The following RAD54L2 variants were observed in gnomAD, a reference collection of about 807,000 sequenced individuals.
RAD54L2 encodes helicase ARIP4.
RAD54L2 carries 27 observed loss-of-function variants against 138.4 expected under a neutral mutation model. That is an observed-to-expected ratio of 0.20 (90% CI 0.14 to 0.27). The LOEUF is 0.27. Ranked by LOEUF, RAD54L2 falls within the 10% of genes least tolerant of loss-of-function variation. The pLI is 1.00. For synonymous variants in RAD54L2, 644 were observed against 723.2 expected (o/e 0.89, Z 1.76); for missense variants, 1,396 against 1,890.2 (o/e 0.74, Z 4.85).
chr3:51,634,726 A>T (rs952574926), intron 9 of RAD54L2, among the ~76,000 whole-genome samples: 1 of 152,188 alleles, frequency 6.6e-6, no homozygotes, highest in African/African-American at 2.4e-5. Context: ...CCTAATCATT[A>T]GTCACTTCTT....
rs1483334545 is a variant in RAD54L2 at position 51,666,723 on chromosome 3, T to C, written c.*3303T>C. The C allele has an allele frequency of 6.6e-6, 1 of 152,248 alleles. No individual in the cohort carries two copies. Among genetic ancestry groups the C allele is most frequent in the Admixed American group, 6.5e-5 (1 of 15,294 alleles). 9.4% of individuals were successfully genotyped at this position (152,248 alleles called of 1,614,324 possible). A position where few individuals can be genotyped will look rare whatever the true frequency, so the allele number is the denominator to read the frequency against. On this transcript the variant is annotated 3_prime_UTR_variant, in exon 23 of 23. Transcript: ENST00000684192. Reference sequence around the variant, plus strand: ...TGGATATCTATGAAGTCCACACCCCTTTGAGTTATGCTTTTTAGGCATCTA... The same window carrying C: ...TGGATATCTATGAAGTCCACACCCCCTTGAGTTATGCTTTTTAGGCATCTA...
At chr3:51,556,179 A>C (rs779107914) in intron 2 of RAD54L2, among the ~76,000 whole-genome samples, 1 of 152,070 alleles carries the variant, frequency 6.6e-6, no homozygotes, top group Non-Finnish European at 1.5e-5. Flanking sequence ...TGTGCCTCTC[A>C]TGGTAGCCTA....
chr3:51,565,171 T>TA (rs35400441), intron 2 of RAD54L2, among the ~76,000 whole-genome samples: 14 of 152,112 alleles, frequency 9.2e-5, no homozygotes, highest in South Asian at 2.1e-4. Flanking sequence ...AATAAGATTT[T>TA]AAAAAAATTA....
intron 2 of RAD54L2, among the ~76,000 whole-genome samples, chr3:51,565,679 G>A (rs567751209): frequency 6.6e-6 from 1 of 152,136 alleles, no homozygotes; most frequent in South Asian, 2.1e-4. Flanking sequence ...CACCGTGTTG[G>A]CCAGGCTGGT....
In RAD54L2 at chr3:51,593,565, G is replaced by A. The variant is rs574157948; in HGVS notation, c.139+3006G>A. On this transcript the variant is annotated intron_variant, in intron 3 of 22. Transcript: ENST00000684192. ...GCCAGAATGGTCTTGATCTCCTGAC[G>A]TCGTGATCCGTCCGTCTCGGCCTCC... Among the ~76,000 whole-genome samples the A allele has an allele frequency of 1.5e-4, 23 of 152,024 alleles. 1 individual carries two copies. In the South Asian group the frequency reaches 2.9e-3, roughly 19 times the overall value.
At position 51,668,011 on chromosome 3, in the gene RAD54L2, G is replaced by T. The variant is rs1316991085; in HGVS notation, c.*4591G>T. 1 of 152,444 alleles carries T rather than the reference G, an allele frequency of 6.6e-6. No homozygotes were observed. The highest frequency in any genetic ancestry group is 2.1e-4 in the South Asian group (1 of 4,836). 9.4% of individuals were successfully genotyped at this position (152,444 alleles called of 1,614,324 possible). On this transcript the variant is annotated 3_prime_UTR_variant, in exon 23 of 23. Coordinates refer to ENST00000684192, the MANE Select transcript of RAD54L2 (RefSeq NM_015106.4). Reference sequence around the variant, plus strand: ...CTGGGATGATATTCAGAAGAGAGAGGACCTCATACTGTGACTGGACCCAGG... The same window carrying T: ...CTGGGATGATATTCAGAAGAGAGAGTACCTCATACTGTGACTGGACCCAGG...
chr3:51,634,893 A>G (rs1397409212), intron 9 of RAD54L2, among the ~76,000 whole-genome samples: 5 of 152,200 alleles, frequency 3.3e-5, no homozygotes, highest in Non-Finnish European at 4.4e-5. Flanking sequence ...TCTTGATCCA[A>G]CAAACCAGCT....
chr3:51,640,841 G>A (rs982751374), intron 14 of RAD54L2, among the ~76,000 whole-genome samples: 4 of 152,138 alleles, frequency 2.6e-5, no homozygotes, highest in Non-Finnish European at 1.5e-5. Context: ...ACTCTGCATT[G>A]AGCTAAACCC....
chr3:51,549,270 A>G (rs1172758729), intron 2 of RAD54L2, among the ~76,000 whole-genome samples: 1 of 151,972 alleles, frequency 6.6e-6, no homozygotes, highest in Non-Finnish European at 1.5e-5. Context: ...CTGGGATTAC[A>G]GGCGTGAACC....
intron 20 of RAD54L2, among the ~76,000 whole-genome samples, chr3:51,657,094 A>G (rs141747321): frequency 5.9e-5 from 9 of 152,366 alleles, no homozygotes; most frequent in African/African-American, 2.2e-4. Context: ...AAAATTTGAA[A>G]CACATGAAAA....
intron 4 of RAD54L2, 73 bp from the exon 5 acceptor site, chr3:51,629,261 C>T: frequency 6.8e-7 from 1 of 1,470,258 alleles, no homozygotes; most frequent in East Asian, 2.5e-5. Flanking sequence ...ATGGCTATTT[C>T]TCTCTTTAGC....
At chr3:51,616,326 T>G (rs1312264901) in intron 3 of RAD54L2, among the ~76,000 whole-genome samples, 2 of 152,186 alleles carry the variant, frequency 1.3e-5, no homozygotes, top group African/African-American at 4.8e-5. Context: ...AGAAGAAAAT[T>G]TATATCATTG....
At chr3:51,543,849 G>T (rs1698620487) in intron 2 of RAD54L2, among the ~76,000 whole-genome samples, 1 of 152,010 alleles carries the variant, frequency 6.6e-6, no homozygotes, top group African/African-American at 2.4e-5. Flanking sequence ...CTATTCTACA[G>T]CTTGGCCGAC....
chr3:51,555,283 C>G (rs1402341887), intron 2 of RAD54L2, among the ~76,000 whole-genome samples: 1 of 152,072 alleles, frequency 6.6e-6, no homozygotes, highest in Non-Finnish European at 1.5e-5. Flanking sequence ...ATGTATACTT[C>G]ACAGATACTG....
At position 51,638,257 on chromosome 3, in the gene RAD54L2, G is replaced by A. The variant is rs367686213; in HGVS notation, c.1796G>A (p.Arg599Gln). 4.3e-6 allele frequency: 7 copies of A among 1,613,864 alleles called. No homozygotes were observed. The highest frequency in any genetic ancestry group is 1.3e-5 in the African/African-American group (1 of 74,912). ...TATACACAGTTCATGGATCGCTTCCGGGACTGTGGTAGCAGCGGTTGGCTG... is the reference window on the plus strand; with the variant it reads ...TATACACAGTTCATGGATCGCTTCCAGGACTGTGGTAGCAGCGGTTGGCTG... The part of the protein sequence containing the change: ...DLYTQFMDRF[R>Q]DCGSSGWLGL... The change falls in exon 12 of 23, where the codon CGG (arginine) becomes CAG (glutamine). Residue 599 changes from arginine to glutamine, a missense_variant. Around this residue, in one of 7 missense-constraint regions of RAD54L2, gnomAD observed 211 missense variants for 273.8 expected, o/e 0.77. Transcript: ENST00000684192. The surrounding 1 kb of genome is among the most constrained non-coding windows in gnomAD (Gnocchi z 4.3).
chr3:51,641,713 C>T (rs1027526561), intron 14 of RAD54L2, 36 bp from the exon 15 acceptor site: 2 of 1,393,998 alleles, frequency 1.4e-6, no homozygotes, highest in Non-Finnish European at 2.0e-6. Flanking sequence ...TCCCTCAATT[C>T]TGGGAGCCAT....
intron 2 of RAD54L2, among the ~76,000 whole-genome samples, chr3:51,577,968 T>G (rs1699517420): frequency 6.6e-6 from 1 of 152,208 alleles, no homozygotes; most frequent in African/African-American, 2.4e-5. Flanking sequence ...CACATCATTA[T>G]GTATTGCCTA....
At chr3:51,548,279 C>T (rs1185028880) in intron 2 of RAD54L2, among the ~76,000 whole-genome samples, 1 of 152,040 alleles carries the variant, frequency 6.6e-6, no homozygotes, top group Non-Finnish European at 1.5e-5. Context: ...ACCTCTGCCT[C>T]CCAGGTTCAG....
chr3:51,663,072 C>A lies in RAD54L2; in HGVS notation c.4056C>A (p.Pro1352=), dbSNP rs762101001. Residue 1352 remains proline, a synonymous_variant, in exon 23 of 23, where the codon CCC becomes CCA. Coordinates refer to ENST00000684192, the MANE Select transcript of RAD54L2 (RefSeq NM_015106.4). ...CTGACCCTCTGGTGCCAGCAGGCCC[C>A]GTCAGTTCCTCTTCCACGGCTACCT... is the stretch of plus-strand genomic sequence containing the variant. The part of the protein sequence containing the change: ...VTTDPLVPAG[P]VSSSSTATSV... The A allele has an allele frequency of 6.2e-7, 1 of 1,613,862 alleles. No individual in the cohort carries two copies. The highest frequency in any genetic ancestry group is 8.5e-7 in the Non-Finnish European group (1 of 1,179,900).
Sources: allele counts gnomAD v4.1 joint callset (sites outside exome capture counted in the v4.1 genomes callset), GRCh38; gene constraint gnomAD v4.1.1; regional missense constraint gnomAD v4.1.1; non-coding constraint Gnocchi (gnomAD v3.1); transcripts MANE v1.5; gene names NCBI Gene and HGNC (gene_info 2026-07-23, HGNC 2026-07-21).